Variants in LAMB1 observed in about 807,000 individuals in gnomAD.
The protein encoded by LAMB1 is laminin subunit beta-1.
In LAMB1, 121 loss-of-function variants were observed where a neutral mutation model predicts 222.3. The observed-to-expected ratio is 0.54, with a 90% CI of 0.47 to 0.63. The LOEUF is 0.63. LAMB1 is among the 30% of genes least tolerant of loss of function. LAMB1 has a pLI of 0.00. For missense variants in LAMB1, 2,172 were observed against 2,240.8 expected (o/e 0.97, Z 0.62); for synonymous variants, 794 against 807.2 (o/e 0.98, Z 0.28).
intron 29 of LAMB1, 111 bp downstream of exon 29, chr7:107,931,245 C>G: frequency 3.8e-3 from 2,823 of 741,808 alleles, no homozygotes; most frequent in East Asian, 5.4e-3. Flanking sequence ...GGACGTTTTT[C>G]TTATTTGGAA....
intron 8 of LAMB1, among the ~76,000 whole-genome samples, chr7:107,978,876 G>A (rs368162663): frequency 7.2e-5 from 11 of 152,182 alleles, no homozygotes; most frequent in African/African-American, 2.7e-4. Context: ...AATGATAAAT[G>A]AATTACGGCC....
At chr7:107,999,969 G>A (rs985408740) in intron 3 of LAMB1, 1 of 152,070 alleles carries the variant, frequency 6.6e-6, no homozygotes, top group African/African-American at 2.4e-5. Flanking sequence ...AATCATCACT[G>A]AGAGGATAGT....
At chr7:107,937,311 A>G (rs2116343927) in intron 25 of LAMB1, 34 bp from the exon 26 acceptor site, 2 of 1,567,096 alleles carry the variant, frequency 1.3e-6, no homozygotes, top group Non-Finnish European at 1.8e-6. Context: ...CTTACATAAA[A>G]TAAACCCAAG....
At chr7:107,964,742 G>A (rs550438557) in intron 13 of LAMB1, 55 bp from the exon 14 acceptor site, 39 of 1,596,416 alleles carry the variant, frequency 2.4e-5, no homozygotes, top group Admixed American at 5.1e-5. Flanking sequence ...GAGTCAACCC[G>A]CCAGAAGCAG....
At chr7:108,002,285 C>T (rs759576308) in intron 2 of LAMB1, 3 of 1,310,262 alleles carry the variant, frequency 2.3e-6, no homozygotes, top group South Asian at 2.5e-5. Flanking sequence ...TCGCGGTGGA[C>T]GCCGCTTTCC....
chr7:107,938,019 A>C (rs1457520561), intron 25 of LAMB1, among the ~76,000 whole-genome samples: 1 of 152,204 alleles, frequency 6.6e-6, no homozygotes, highest in Non-Finnish European at 1.5e-5. Context: ...GTGTGTGCAC[A>C]TGCGAGTGTG....
intron 25 of LAMB1, among the ~76,000 whole-genome samples, chr7:107,939,147 T>C (rs1330203844): frequency 6.6e-6 from 1 of 152,202 alleles, no homozygotes; most frequent in Non-Finnish European, 1.5e-5. Flanking sequence ...AGATGCCTCA[T>C]ACCCTTTTCT....
chr7:107,988,750 G>A (rs956062128), intron 5 of LAMB1, among the ~76,000 whole-genome samples: 2 of 152,104 alleles, frequency 1.3e-5, no homozygotes, highest in Non-Finnish European at 2.9e-5. Flanking sequence ...GAACAGATGA[G>A]GACACACACA....
At chr7:107,984,439 G>A (rs761771598) in intron 7 of LAMB1, among the ~76,000 whole-genome samples, 2 of 152,152 alleles carry the variant, frequency 1.3e-5, no homozygotes, top group Non-Finnish European at 2.9e-5. Context: ...GTAGAGACAC[G>A]GTTTTACCAT....
intron 29 of LAMB1, 125 bp from the exon 30 acceptor site, chr7:107,929,744 C>G: frequency 1.4e-6 from 1 of 724,908 alleles, no homozygotes; most frequent in Non-Finnish European, 2.3e-6. Flanking sequence ...ACACTAACTT[C>G]CTGTTTAAGA....
intron 24 of LAMB1, among the ~76,000 whole-genome samples, chr7:107,943,415 T>G (rs566711015): frequency 6.6e-6 from 1 of 152,308 alleles, no homozygotes; most frequent in African/African-American, 2.4e-5. Flanking sequence ...AGGAAGAACT[T>G]AGATAACTTA....
chr7:107,951,378 C>T (rs1255523093), intron 23 of LAMB1, 56 bp from the exon 24 acceptor site: 19 of 1,519,788 alleles, frequency 1.3e-5, no homozygotes, highest in South Asian at 2.3e-5. Context: ...AGCCAGTTGT[C>T]ATCTTTTTTT....
At position 107,940,234 on chromosome 7, in the gene LAMB1, G is replaced by T. The variant is rs1384830627; in HGVS notation, c.3516C>A (p.Val1172=). 1.2e-6 allele frequency: 2 copies of T among 1,614,062 alleles called. No homozygotes were observed. The highest frequency in any genetic ancestry group is 1.3e-5 in the African/African-American group (1 of 74,914). The stretch of plus-strand genomic sequence containing the variant: ...GGTGGCAGGGTGTGCAGTCAGGGAA[G>T]ACCCCCGAGTACCCTCGCGTGCACT... ...CDKCTRGYSG[V]FPDCTPCHQC... Residue 1172 remains valine (V), a synonymous_variant, in exon 25 of 34, where the codon GTC becomes GTA. Coordinates refer to ENST00000222399, the MANE Select transcript of LAMB1 (RefSeq NM_002291.3).
At chr7:108,002,315 G>A in intron 2 of LAMB1, 3 of 1,317,500 alleles carry the variant, frequency 2.3e-6, no homozygotes, top group Non-Finnish European at 3.0e-6. Flanking sequence ...GGAGCCCATG[G>A]ACAGTCCCTG....
At chr7:107,941,865 C>T (rs867166532) in intron 24 of LAMB1, among the ~76,000 whole-genome samples, 6 of 111,530 alleles carry the variant, frequency 5.4e-5, no homozygotes, top group South Asian at 3.3e-4. Flanking sequence ...TTTTAAGAGA[C>T]GGTGTTTCTC....
intron 5 of LAMB1, among the ~76,000 whole-genome samples, chr7:107,993,892 G>A (rs2034233299): frequency 6.6e-6 from 1 of 152,162 alleles, no homozygotes; most frequent in African/African-American, 2.4e-5. Context: ...GCTGGGGAGT[G>A]GGCAAGGGGA....
intron 24 of LAMB1, among the ~76,000 whole-genome samples, chr7:107,946,660 A>G (rs59659934): frequency 0.047 from 7,108 of 152,356 alleles, 559 homozygotes; most frequent in African/African-American, 0.16. Flanking sequence ...ATTACATAAG[A>G]CAAGACTTCA....
At chr7:107,951,136 A>T in intron 24 of LAMB1, 90 bp downstream of exon 24, 1 of 875,452 alleles carries the variant, frequency 1.1e-6, no homozygotes, top group Non-Finnish European at 1.9e-6. Flanking sequence ...GTTAATTTGT[A>T]CTGTGTTTTA....
At chr7:107,950,570 T>C (rs2033219955) in intron 24 of LAMB1, among the ~76,000 whole-genome samples, 1 of 152,238 alleles carries the variant, frequency 6.6e-6, no homozygotes, top group African/African-American at 2.4e-5. Flanking sequence ...GTTTGTTTAA[T>C]CATAAGCTTA....
Sources: gnomAD v4.1 joint callset for allele counts (sites outside exome capture counted in the v4.1 genomes callset) on GRCh38, gnomAD v4.1.1 for gene constraint, MANE v1.5 for transcripts, NCBI Gene and HGNC (gene_info 2026-07-23, HGNC 2026-07-21) for gene names.